GRID1: variants seen among roughly 807,000 people sequenced by gnomAD.
GRID1 encodes the protein glutamate ionotropic receptor delta type subunit 1.
A neutral mutation model predicts 98.0 loss-of-function variants in GRID1; 28 were observed. The observed-to-expected ratio is 0.29, with a 90% CI of 0.21 to 0.39. The LOEUF is 0.39. GRID1 is among the 10% of genes least tolerant of loss of function. The pLI, the probability that GRID1 is intolerant of heterozygous loss-of-function variation, is 1.00. For synonymous variants in GRID1, 553 were observed against 538.5 expected (o/e 1.03, Z -0.37); for missense variants, 1,111 against 1,340.5 (o/e 0.83, Z 2.67).
At chr10:86,169,782 G>A (rs1845455191) in intron 3 of GRID1, among the ~76,000 whole-genome samples, 1 of 152,200 alleles carries the variant, frequency 6.6e-6, no homozygotes, top group Non-Finnish European at 1.5e-5. Flanking sequence ...GCCCTGCCAT[G>A]GCCTGCAGGA....
chr10:86,302,896 G>T (rs921072293), intron 2 of GRID1, among the ~76,000 whole-genome samples: 3 of 152,204 alleles, frequency 2.0e-5, no homozygotes, highest in Non-Finnish European at 2.9e-5. Context: ...AGCAGAATCT[G>T]CATTTTAGCA....
chr10:85,668,977 C>A (rs1481812640), intron 12 of GRID1, among the ~76,000 whole-genome samples: 2 of 152,218 alleles, frequency 1.3e-5, no homozygotes, highest in African/African-American at 2.4e-5. Context: ...ACATTGGCAA[C>A]CACTGTGGAC....
At chr10:85,662,403 G>A (rs1377680757) in intron 12 of GRID1, among the ~76,000 whole-genome samples, 2 of 152,200 alleles carry the variant, frequency 1.3e-5, no homozygotes, top group East Asian at 1.9e-4. Flanking sequence ...GGGCTCCAAC[G>A]CCAGGATAGG....
intron 4 of GRID1, among the ~76,000 whole-genome samples, chr10:86,037,170 A>G (rs1348197202): frequency 6.6e-6 from 1 of 152,212 alleles, no homozygotes; most frequent in East Asian, 1.9e-4. Context: ...TTTGAGCAAC[A>G]AAGGTACTTG....
chr10:85,784,656 C>T (rs3011694), intron 8 of GRID1, among the ~76,000 whole-genome samples: 100,014 of 152,072 alleles, frequency 0.66, 33,352 homozygotes, highest in East Asian at 0.87. Context: ...GTTTGCTTGT[C>T]TAAGCTCCTG....
chr10:85,768,673 T>G (rs982500064), intron 8 of GRID1, among the ~76,000 whole-genome samples: 2 of 152,214 alleles, frequency 1.3e-5, no homozygotes, highest in Admixed American at 6.5e-5. Flanking sequence ...AAATACATTT[T>G]TCAATTATTC....
intron 8 of GRID1, among the ~76,000 whole-genome samples, chr10:85,775,076 C>T (rs1275416657): frequency 6.6e-6 from 1 of 152,056 alleles, no homozygotes; most frequent in Non-Finnish European, 1.5e-5. Context: ...GGAACCAACC[C>T]AAATGTCCAT....
chr10:85,659,081 A>G (rs1333579887), intron 12 of GRID1, among the ~76,000 whole-genome samples: 2 of 152,228 alleles, frequency 1.3e-5, no homozygotes, highest in Non-Finnish European at 2.9e-5. Flanking sequence ...GAGACATTCT[A>G]TACTGTGGAC....
At chr10:86,217,782 C>T (rs1423120750) in intron 2 of GRID1, among the ~76,000 whole-genome samples, 1 of 152,130 alleles carries the variant, frequency 6.6e-6, no homozygotes, top group Non-Finnish European at 1.5e-5. Flanking sequence ...CTCCTGCTGG[C>T]CTTTGGGCCA....
intron 3 of GRID1, among the ~76,000 whole-genome samples, chr10:86,152,550 G>A (rs1465166816): frequency 2.0e-5 from 3 of 152,256 alleles, no homozygotes; most frequent in Non-Finnish European, 1.5e-5. Flanking sequence ...CTTCAGGGCA[G>A]GGCTGTGGCT....
At chr10:86,009,453 G>A (rs1842901035) in intron 4 of GRID1, among the ~76,000 whole-genome samples, 1 of 152,166 alleles carries the variant, frequency 6.6e-6, no homozygotes, top group Non-Finnish European at 1.5e-5. Context: ...GGAACATCAA[G>A]CAACAGAATT....
At chr10:86,290,388 C>T (rs539665617) in intron 2 of GRID1, among the ~76,000 whole-genome samples, 134 of 152,290 alleles carry the variant, frequency 8.8e-4, no homozygotes, top group Admixed American at 2.4e-3. Flanking sequence ...TGGCTCATAC[C>T]TGTAATTCCA....
chr10:86,178,824 A>G (rs2131999331), intron 3 of GRID1, among the ~76,000 whole-genome samples: 1 of 152,252 alleles, frequency 6.6e-6, no homozygotes, highest in Non-Finnish European at 1.5e-5. Context: ...AGAGACCCTC[A>G]AAGCCAGTGC....
At chr10:86,134,703 T>A (rs1487384908) in intron 4 of GRID1, among the ~76,000 whole-genome samples, 2 of 152,170 alleles carry the variant, frequency 1.3e-5, no homozygotes, top group African/African-American at 4.8e-5. Context: ...AGGGATCCCC[T>A]GACCCCTCTC....
intron 12 of GRID1, among the ~76,000 whole-genome samples, chr10:85,701,134 G>A (rs559181369): frequency 6.6e-6 from 1 of 152,154 alleles, no homozygotes; most frequent in African/African-American, 2.4e-5. Flanking sequence ...AGGTTTCTAG[G>A]GGAGAAGGAA....
intron 2 of GRID1, among the ~76,000 whole-genome samples, chr10:86,295,217 G>A (rs1054650956): frequency 2.6e-5 from 4 of 152,172 alleles, no homozygotes; most frequent in Admixed American, 6.5e-5. Flanking sequence ...TGGACCAAGC[G>A]CAGGAATCTT....
At chr10:85,921,176 G>T (rs999614982) in intron 4 of GRID1, among the ~76,000 whole-genome samples, 1 of 152,236 alleles carries the variant, frequency 6.6e-6, no homozygotes, top group African/African-American at 2.4e-5. Context: ...CTGCGAGGCT[G>T]GGTGCAGTCA....
At chr10:86,048,806 A>G (rs1393227061) in intron 4 of GRID1, among the ~76,000 whole-genome samples, 1 of 152,270 alleles carries the variant, frequency 6.6e-6, no homozygotes, top group Non-Finnish European at 1.5e-5. Context: ...TAATAACATT[A>G]TGGGACACTG....
intron 4 of GRID1, among the ~76,000 whole-genome samples, chr10:85,983,213 T>C (rs1252414159): frequency 1.3e-5 from 2 of 152,124 alleles, no homozygotes; most frequent in Non-Finnish European, 2.9e-5. Flanking sequence ...GTTGAGTTCA[T>C]GAGTAAGGAA....
Sources: gnomAD v4.1 joint callset for allele counts (sites outside exome capture counted in the v4.1 genomes callset) on GRCh38, gnomAD v4.1.1 for gene constraint, MANE v1.5 for transcripts, NCBI Gene and HGNC (gene_info 2026-07-23, HGNC 2026-07-21) for gene names.